The following ZMYM4 variants were observed in gnomAD, a reference collection of about 807,000 sequenced individuals.
ZMYM4 encodes zinc finger MYM-type protein 4.
In ZMYM4, 31 loss-of-function variants were observed where a neutral mutation model predicts 183.2. The ratio of observed to expected loss-of-function variants is 0.17; its 90% CI spans 0.13 to 0.23. ZMYM4 has a LOEUF of 0.23. Among genes scored for constraint, ZMYM4 ranks in the 10% least tolerant of loss-of-function variants. The pLI, the probability that ZMYM4 is intolerant of heterozygous loss-of-function variation, is 1.00. For missense variants in ZMYM4, 1,273 were observed against 1,840.3 expected (o/e 0.69, Z 5.64); for synonymous variants, 592 against 631.2 (o/e 0.94, Z 0.93).
chr1:35,335,836 C>A lies in ZMYM4; in HGVS notation c.85+10431C>A, dbSNP rs12078406. On this transcript the variant is annotated intron_variant, in intron 2 of 29. Coordinates refer to ENST00000314607, the MANE Select transcript of ZMYM4 (RefSeq NM_005095.3). The stretch of plus-strand genomic sequence containing the variant: ...GACGTGATGGCAGGCGCATGTAGTC[C>A]CAGCTACTCGGGAGGCTGAGGCAGG... Among the ~76,000 whole-genome samples, 852 of 152,092 alleles carry A rather than the reference C, an allele frequency of 5.6e-3. 9 individuals are homozygous for A. The highest frequency in any genetic ancestry group is 0.019 in the African/African-American group (798 of 41,470).
At chr1:35,322,447 T>C (rs1232309668) in intron 1 of ZMYM4, among the ~76,000 whole-genome samples, 1 of 152,178 alleles carries the variant, frequency 6.6e-6, no homozygotes. Context: ...TTTTAACTTA[T>C]CTGGGATTAA....
intron 7 of ZMYM4, 87 bp from the exon 8 acceptor site, chr1:35,381,172 C>T: frequency 8.8e-7 from 1 of 1,132,074 alleles, no homozygotes; most frequent in Non-Finnish European, 1.2e-6. Context: ...GTATAATTGC[C>T]TCTGTTTTAT....
intron 1 of ZMYM4, among the ~76,000 whole-genome samples, chr1:35,322,996 TTTTG>T (rs1642351327): frequency 6.9e-6 from 1 of 144,060 alleles, no homozygotes; most frequent in Non-Finnish European, 1.5e-5. Context: ...GGCTTTTTTG[TTTTG>T]TTTTTGTTTT....
At chr1:35,386,369 C>G (rs1481596948) in intron 11 of ZMYM4, among the ~76,000 whole-genome samples, 180 bp downstream of exon 11, 1 of 152,068 alleles carries the variant, frequency 6.6e-6, no homozygotes, top group Non-Finnish European at 1.5e-5. Flanking sequence ...AGGAAACTTT[C>G]AATTATGGCG....
chr1:35,297,321 A>G (rs1249085325), intron 1 of ZMYM4, among the ~76,000 whole-genome samples: 1 of 151,988 alleles, frequency 6.6e-6, no homozygotes, highest in Non-Finnish European at 1.5e-5. Flanking sequence ...GTTATATAAG[A>G]ATTAAGATTA....
chr1:35,289,745 G>A (rs1041165787), intron 1 of ZMYM4, among the ~76,000 whole-genome samples: 6 of 151,998 alleles, frequency 3.9e-5, no homozygotes, highest in African/African-American at 1.4e-4. Context: ...CACTAGTTGT[G>A]GTAACTAAAA....
intron 6 of ZMYM4, 33 bp from the exon 7 acceptor site, chr1:35,370,338 AT>A (rs35122134): frequency 0.15 from 165,230 of 1,093,160 alleles, 2 homozygotes; most frequent in Non-Finnish European, 0.17. Context: ...TTTTCTTTCA[AT>A]TTTTTTTTTT....
Position 35,306,839 on chromosome 1 carries a change from C to G in ZMYM4, c.40-18521C>G, listed in dbSNP as rs114546707. Among the ~76,000 whole-genome samples, 1,246 of 152,272 alleles carry G rather than the reference C, an allele frequency of 8.2e-3. 4 individuals are homozygous for G. Among genetic ancestry groups the G allele is most frequent in the Middle Eastern group, 0.027 (8 of 292 alleles). On this transcript the variant is annotated intron_variant, in intron 1 of 29. Coordinates refer to ENST00000314607, the MANE Select transcript of ZMYM4 (RefSeq NM_005095.3). ...CATGGATGCCTTTTAAATTTGTAGA[C>G]TAGGTTAAGTCACTGCTAAATACAT... is the stretch of plus-strand genomic sequence containing the variant.
intron 2 of ZMYM4, among the ~76,000 whole-genome samples, chr1:35,349,556 G>T (rs191278415): frequency 6.6e-6 from 1 of 152,032 alleles, no homozygotes; most frequent in Non-Finnish European, 1.5e-5. Context: ...GGCCGAGCGC[G>T]GTGGCTCATG....
At chr1:35,386,478 C>G (rs116328696) in intron 11 of ZMYM4, among the ~76,000 whole-genome samples, 2,681 of 152,170 alleles carry the variant, frequency 0.018, 76 homozygotes, top group African/African-American at 0.06. Flanking sequence ...ATAGTGAGAA[C>G]TCACTATCAC....
intron 10 of ZMYM4, 52 bp downstream of exon 10, chr1:35,385,644 A>G: frequency 6.5e-7 from 1 of 1,533,554 alleles, no homozygotes; most frequent in Non-Finnish European, 8.7e-7. Context: ...AATAATGGTT[A>G]TTGCTTTGTT....
rs917118300 is a variant in ZMYM4 at position 35,308,914 on chromosome 1, C to A, written c.40-16446C>A. 2.1e-5 allele frequency: 20 copies of A among 967,534 alleles called. No homozygotes were observed. In the Admixed American group the frequency reaches 6.8e-4, roughly 33 times the overall value. 59.9% of individuals were successfully genotyped at this position (967,534 alleles called of 1,614,324 possible). ...GGAAATTTTTTGCTTTTGGAAGATT[C>A]ATGCAAAACAATAATACCAAATAAT... On this transcript the variant is annotated intron_variant, in intron 1 of 29. Transcript: ENST00000314607.
intron 2 of ZMYM4, among the ~76,000 whole-genome samples, chr1:35,347,151 G>A (rs141666346): frequency 1.3e-5 from 2 of 152,070 alleles, no homozygotes; most frequent in East Asian, 1.9e-4. Context: ...GATTACAGGC[G>A]CACGCCACCA....
intron 2 of ZMYM4, among the ~76,000 whole-genome samples, chr1:35,348,207 A>G (rs1643469736): frequency 6.6e-6 from 1 of 152,248 alleles, no homozygotes; most frequent in Non-Finnish European, 1.5e-5. Flanking sequence ...GGTAAAAATC[A>G]AACTCATTTC....
intron 1 of ZMYM4, among the ~76,000 whole-genome samples, chr1:35,292,850 C>T (rs978915633): frequency 2.6e-5 from 4 of 152,062 alleles, no homozygotes; most frequent in African/African-American, 9.7e-5. Flanking sequence ...AGGGGAGTTC[C>T]CCCATTTCCC....
chr1:35,352,269 G>GCGCACA (rs1366886543), intron 2 of ZMYM4, among the ~76,000 whole-genome samples: 35 of 124,582 alleles, frequency 2.8e-4, no homozygotes, highest in Middle Eastern at 3.6e-3. Context: ...ACGCGCGCGC[G>GCGCACA]CACACACACA....
At chr1:35,348,176 C>T (rs1052457474) in intron 2 of ZMYM4, among the ~76,000 whole-genome samples, 4 of 152,212 alleles carry the variant, frequency 2.6e-5, no homozygotes, top group South Asian at 2.1e-4. Flanking sequence ...AGCCTTAGTG[C>T]GTAAGTTGAC....
intron 1 of ZMYM4, among the ~76,000 whole-genome samples, chr1:35,281,827 G>A (rs1337518625): frequency 1.3e-5 from 2 of 152,040 alleles, no homozygotes; most frequent in African/African-American, 4.8e-5. Flanking sequence ...GGTCCCTTGC[G>A]CCAGCCTCTG....
At chr1:35,273,621 G>C (rs745706813) in intron 1 of ZMYM4, among the ~76,000 whole-genome samples, 6 of 152,090 alleles carry the variant, frequency 3.9e-5, no homozygotes, top group Non-Finnish European at 8.8e-5. Flanking sequence ...TACCTGGTAT[G>C]CTTAAAAAAG....
Sources: allele counts gnomAD v4.1 joint callset (sites outside exome capture counted in the v4.1 genomes callset), GRCh38; gene constraint gnomAD v4.1.1; transcripts MANE v1.5; gene names NCBI Gene and HGNC (gene_info 2026-07-23, HGNC 2026-07-21).